The following ZFHX3 variants were observed in gnomAD, a reference collection of about 807,000 sequenced individuals.
The protein encoded by ZFHX3 is zinc finger homeobox protein 3.
A neutral mutation model predicts 279.1 loss-of-function variants in ZFHX3; 42 were observed. That is an observed-to-expected ratio of 0.15 (90% CI 0.12 to 0.19). The LOEUF (loss-of-function observed/expected upper bound fraction) is 0.19, where lower values mean the gene tolerates loss of function less well. ZFHX3 is among the 10% of genes least tolerant of loss of function. The pLI, the probability that ZFHX3 is intolerant of heterozygous loss-of-function variation, is 1.00. For synonymous variants in ZFHX3, 2,293 were observed against 1,957.8 expected (o/e 1.17, Z -4.52); for missense variants, 4,981 against 4,754.0 (o/e 1.05, Z -1.40).
At chr16:73,292,655 C>T (rs1018757540) in intron 4 of ZFHX3, among the ~76,000 whole-genome samples, 2 of 151,952 alleles carry the variant, frequency 1.3e-5, no homozygotes, top group African/African-American at 2.4e-5. Context: ...TCCCTTGGTG[C>T]GAATGCTTCC....
At chr16:73,843,417 A>G (rs897483829) in intron 1 of ZFHX3, among the ~76,000 whole-genome samples, 1 of 152,228 alleles carries the variant, frequency 6.6e-6, no homozygotes, top group Admixed American at 6.5e-5. Flanking sequence ...GTTCACAAAG[A>G]AACAAAGCCT....
At chr16:73,088,762 C>A (rs968374736) in intron 8 of ZFHX3, among the ~76,000 whole-genome samples, 1 of 152,160 alleles carries the variant, frequency 6.6e-6, no homozygotes, top group Non-Finnish European at 1.5e-5. Context: ...ACACCAGTGT[C>A]AGAAAGCAGA....
chr16:73,356,945 AT>A (rs1285560858), intron 3 of ZFHX3, among the ~76,000 whole-genome samples: 1 of 150,596 alleles, frequency 6.6e-6, no homozygotes, highest in African/African-American at 2.4e-5. Flanking sequence ...ACTGACTGGG[AT>A]TTCCTCCTCC....
chr16:72,950,397 C>T, intron 3 of ZFHX3, 72 bp downstream of exon 3: 3 of 1,564,252 alleles, frequency 1.9e-6, no homozygotes, highest in Middle Eastern at 2.2e-4. Flanking sequence ...CTCCCCAGTG[C>T]TCCCTAACTC....
intron 7 of ZFHX3, among the ~76,000 whole-genome samples, chr16:72,801,382 A>G (rs765926389): frequency 9.9e-5 from 15 of 152,228 alleles, no homozygotes; most frequent in Non-Finnish European, 2.1e-4. Flanking sequence ...ATACATTACT[A>G]TTAATTTTTA....
intron 1 of ZFHX3, among the ~76,000 whole-genome samples, chr16:72,967,687 C>G (rs28780443): frequency 1.3e-5 from 2 of 150,214 alleles, no homozygotes; most frequent in African/African-American, 4.9e-5. Flanking sequence ...GAGGCCGAGG[C>G]GGGCAGATCA....
rs573939616 is a variant in ZFHX3, at chr16:72,898,314, G to C, written c.3217-8352C>G. Among the ~76,000 whole-genome samples, 64 of 152,234 alleles carry C rather than the reference G, an allele frequency of 4.2e-4. 1 individual carries two copies. In the South Asian group the frequency reaches 6.6e-3, roughly 16 times the overall value. ...ATGTTCCCTTAGATCAATCCATTTG[G>C]GTTGCTCTGACCTAGTTTCTGGTTT... On this transcript the variant is annotated intron_variant, in intron 3 of 9. Coordinates refer to ENST00000268489, the MANE Select transcript of ZFHX3 (RefSeq NM_006885.4).
chr16:72,957,487 T>C lies in ZFHX3; in HGVS notation c.2659A>G (p.Met887Val), dbSNP rs781154488. ...MDSAASDAQF[M>V]MSGFQLDPAG... ...GGATCCAGCTGGAATCCGCTCATCA[T>C]GAACTGGGCGTCCGAGGCAGCACTG... The change falls in exon 2 of 10, where the codon ATG becomes GTG. Residue 887 changes from methionine (M) to valine (V), a missense_variant. By Grantham distance (21) the Met-to-Val change is conservative. Around this residue, in one of 7 missense-constraint regions of ZFHX3, gnomAD observed 1,751 missense variants for 1,770.0 expected, o/e 0.99. Transcript: ENST00000268489. The C allele has an allele frequency of 2.8e-5, 45 of 1,613,978 alleles. No homozygotes were observed. The highest frequency in any genetic ancestry group is 2.5e-6 in the Non-Finnish European group (3 of 1,180,010).
intron 3 of ZFHX3, among the ~76,000 whole-genome samples, chr16:73,424,636 C>T (rs2017777589): frequency 6.6e-6 from 1 of 151,314 alleles, no homozygotes; most frequent in South Asian, 2.1e-4. Flanking sequence ...TGCTTATAGT[C>T]TCAGCCGCTT....
At chr16:73,741,213 G>A (rs1305704031) in intron 1 of ZFHX3, among the ~76,000 whole-genome samples, 1 of 151,824 alleles carries the variant, frequency 6.6e-6, no homozygotes, top group Non-Finnish European at 1.5e-5. Context: ...GTAAAAAATG[G>A]GCCACCTTTT....
intron 8 of ZFHX3, among the ~76,000 whole-genome samples, chr16:73,065,608 CGTGT>C (rs1451080925): frequency 3.0e-5 from 3 of 98,728 alleles, no homozygotes; most frequent in Non-Finnish European, 6.4e-5. Flanking sequence ...TGTGTGTGTG[CGTGT>C]GTGTGTCTCC....
In ZFHX3 at chr16:73,536,006, G is replaced by C. The variant is rs569781380; in HGVS notation, c.-1546-79748C>G. Among the ~76,000 whole-genome samples the C allele has an allele frequency of 1.2e-4, 18 of 152,180 alleles. 1 individual carries two copies. In the South Asian group the frequency reaches 1.7e-3, roughly 14 times the overall value. ...CAAAGTGCTGGGATTACAGGTGTGA[G>C]CCACCGCTCTCGGCCAAGCCCCCCA... On this transcript the variant is annotated intron_variant, in intron 2 of 17. Transcript: ENST00000641206.
rs978573247 is a variant in ZFHX3 at position 73,139,342 on chromosome 16, T to C, written c.-1024+4410A>G. On this transcript the variant is annotated intron_variant, in intron 6 of 17. Transcript: ENST00000641206. ...TACCACTGGCACGAAATAAAACATATGTATATGTGCATGCATAGGAGATAT... is the reference window on the plus strand; with the variant it reads ...TACCACTGGCACGAAATAAAACATACGTATATGTGCATGCATAGGAGATAT... 6.6e-5 allele frequency among the ~76,000 whole-genome samples: 10 copies of C among 152,252 alleles called. No homozygotes were observed. In the East Asian group the frequency reaches 1.7e-3, roughly 26 times the overall value.
At chr16:73,436,464 C>T (rs1567483702) in intron 3 of ZFHX3, among the ~76,000 whole-genome samples, 1 of 152,122 alleles carries the variant, frequency 6.6e-6, no homozygotes, top group Admixed American at 6.6e-5. Flanking sequence ...CCTTATAAAA[C>T]CATCAGATGT....
chr16:73,625,230 T>G (rs1235177787), intron 2 of ZFHX3, among the ~76,000 whole-genome samples: 1 of 152,238 alleles, frequency 6.6e-6, no homozygotes, highest in Non-Finnish European at 1.5e-5. Context: ...GTCTGCTAAA[T>G]TTTTAGAATG....
At chr16:73,052,771 T>G (rs1298544533), upstream of ZFHX3, among the ~76,000 whole-genome samples, 1 of 152,158 alleles carries the variant, frequency 6.6e-6, no homozygotes, top group Non-Finnish European at 1.5e-5. Flanking sequence ...CTTTTCTGTC[T>G]CCCCGGAGCA....
Position 72,797,889 on chromosome 16 carries a change from C to A in ZFHX3, c.4793G>T (p.Cys1598Phe). 6.2e-7 allele frequency: 1 copy of A among 1,614,176 alleles called. No individual in the cohort carries two copies. Among genetic ancestry groups the A allele is most frequent in the Non-Finnish European group, 8.5e-7 (1 of 1,180,040 alleles). ...GCTGTAGGCCACATTACAAGTGTTACACTTAAAAGGTTTGTTGTCTGGGCT... is the reference window on the plus strand; with the variant it reads ...GCTGTAGGCCACATTACAAGTGTTAAACTTAAAAGGTTTGTTGTCTGGGCT... ...TSSPDNKPFK[C>F]NTCNVAYSQS... The change falls in exon 9 of 10, where the codon TGT (cysteine) becomes TTT (phenylalanine). Residue 1598 changes from cysteine (C) to phenylalanine (F), a missense_variant. By Grantham distance (205) the Cys-to-Phe change is radical. Coordinates refer to ENST00000268489, the MANE Select transcript of ZFHX3 (RefSeq NM_006885.4).
At chr16:73,583,042 T>C (rs2051878081) in intron 2 of ZFHX3, among the ~76,000 whole-genome samples, 1 of 152,204 alleles carries the variant, frequency 6.6e-6, no homozygotes, top group African/African-American at 2.4e-5. Context: ...TGTAAGAAAA[T>C]TAAAACTGCA....
chr16:72,838,870 G>T (rs191123746), intron 4 of ZFHX3, among the ~76,000 whole-genome samples: 18 of 152,176 alleles, frequency 1.2e-4, no homozygotes, highest in Non-Finnish European at 2.4e-4. Context: ...AATATGTCGC[G>T]GACTCGCCTG....
Sources: gnomAD v4.1 joint callset for allele counts (sites outside exome capture counted in the v4.1 genomes callset) on GRCh38, gnomAD v4.1.1 for gene constraint, gnomAD v4.1.1 regional missense constraint, MANE v1.5 for transcripts, NCBI Gene and HGNC (gene_info 2026-07-23, HGNC 2026-07-21) for gene names.